Variants in MTX2 observed in about 807,000 individuals in gnomAD.
MTX2 encodes metaxin 2.
In MTX2, 35 loss-of-function variants were observed where a neutral mutation model predicts 42.3. That is an observed-to-expected ratio of 0.83 (90% CI 0.63 to 1.10). The LOEUF (loss-of-function observed/expected upper bound fraction) is 1.10. MTX2 is among the 50% of genes least tolerant of loss of function. The pLI is 0.00. For synonymous variants in MTX2, 119 were observed against 100.9 expected, an observed-to-expected ratio of 1.18 and a Z score of -1.08; for missense variants, 307 against 304.1, an observed-to-expected ratio of 1.01 and a Z score of -0.07.
intron 1 of MTX2, among the ~76,000 whole-genome samples, chr2:176,279,862 ATATT>A (rs1173056848): frequency 1.3e-5 from 2 of 152,300 alleles, no homozygotes; most frequent in East Asian, 3.9e-4. Flanking sequence ...ATTAAAATAA[ATATT>A]TAGAAACGGT....
intron 1 of MTX2, among the ~76,000 whole-genome samples, chr2:176,277,978 A>T (rs1444469780): frequency 1.3e-5 from 2 of 149,476 alleles, no homozygotes; most frequent in African/African-American, 2.5e-5. Context: ...GGCAAGATAT[A>T]GTTTATTGAC....
chr2:176,320,165 T>C (rs1177926217), intron 3 of MTX2, among the ~76,000 whole-genome samples: 2 of 151,988 alleles, frequency 1.3e-5, no homozygotes, highest in Non-Finnish European at 2.9e-5. Flanking sequence ...CTAAGAAGCA[T>C]GGGTTTTGGG....
intron 1 of MTX2, among the ~76,000 whole-genome samples, chr2:176,293,010 T>G (rs1039396933): frequency 2.0e-5 from 3 of 152,198 alleles, no homozygotes; most frequent in Admixed American, 6.5e-5. Flanking sequence ...CTATGTGTAG[T>G]TCATTATTTA....
At chr2:176,300,265 C>T (rs906189787) in intron 3 of MTX2, among the ~76,000 whole-genome samples, 8 of 152,132 alleles carry the variant, frequency 5.3e-5, no homozygotes, top group African/African-American at 1.9e-4. Flanking sequence ...CCCCCAAATC[C>T]AAACCAGCCA....
In MTX2 at chr2:176,269,567, TGCGGTGGAGGAC is replaced by T; in HGVS notation, c.-60_-49del. ...GTTAACTGCCGAGAGCCTCCGGGTT[TGCGGTGGAGGAC>T]GCTGAGGCCCGTGGGGGGCAGGCAC... On this transcript the variant is annotated 5_prime_UTR_variant, in exon 1 of 10. Transcript: ENST00000249442. 1 of 1,520,048 alleles carries T rather than the reference TGCGGTGGAGGAC, an allele frequency of 6.6e-7. No individual in the cohort carries two copies. The highest frequency in any genetic ancestry group is 2.0e-5 in the Admixed American group (1 of 49,104). 94.2% of individuals were successfully genotyped at this position (1,520,048 alleles called of 1,614,324 possible).
At chr2:176,305,450 T>TTTCTTGTACTTTCTGTACTTTCTGTA (rs1290674892) in intron 3 of MTX2, among the ~76,000 whole-genome samples, 2 of 152,122 alleles carry the variant, frequency 1.3e-5, no homozygotes, top group African/African-American at 4.8e-5. Context: ...CAAGAATTGT[T>TTTCTTGTACTTTCTGTACTTTCTGTA]CTTTCTGTAC....
chr2:176,332,505 A>G (rs1330697944), intron 9 of MTX2, among the ~76,000 whole-genome samples: 1 of 151,384 alleles, frequency 6.6e-6, no homozygotes, highest in Non-Finnish European at 1.5e-5. Context: ...CCCTACAATT[A>G]GAATTAATCC....
intron 4 of MTX2, among the ~76,000 whole-genome samples, chr2:176,325,263 C>T (rs532830020): frequency 4.7e-4 from 72 of 151,712 alleles, no homozygotes; most frequent in African/African-American, 1.6e-3. Flanking sequence ...AAACAAAGCC[C>T]TCAGTTTTCT....
At chr2:176,324,590 A>T (rs928489507) in intron 4 of MTX2, among the ~76,000 whole-genome samples, 2 of 151,660 alleles carry the variant, frequency 1.3e-5, no homozygotes, top group Non-Finnish European at 3.0e-5. Context: ...TCATACAAAC[A>T]GTTTGTATAT....
At position 176,330,673 on chromosome 2, in the gene MTX2, A is replaced by C; in HGVS notation, c.620+13A>C. ...TCTTCAATAAGCAGTAAGAAATTTT[A>C]CTTTTTTAAAGTTAATTTTCTGTAC... On this transcript the variant is annotated intron_variant, in intron 9 of 9. Transcript: ENST00000249442. 5.1e-6 allele frequency: 8 copies of C among 1,581,846 alleles called. No homozygotes were observed. Among genetic ancestry groups the C allele is most frequent in the Non-Finnish European group, 6.9e-6 (8 of 1,159,588 alleles).
Position 176,269,609 on chromosome 2 carries a change from G to A in MTX2, c.-21G>A, listed in dbSNP as rs150206716. 22,981 of 1,576,824 alleles carry A rather than the reference G, an allele frequency of 0.015. 436 individuals carry two copies. The highest frequency in any genetic ancestry group is 0.073 in the South Asian group (6,296 of 86,470). ...AGGCCCGTGGGGGGCAGGCACCCGG[G>A]CGCCGGGCCTCCCAGCCGACATGTC... On this transcript the variant is annotated 5_prime_UTR_variant, in exon 1 of 10. Coordinates refer to ENST00000249442, the MANE Select transcript of MTX2 (RefSeq NM_006554.5).
intron 3 of MTX2, among the ~76,000 whole-genome samples, chr2:176,299,244 C>T (rs1383764988): frequency 6.6e-6 from 1 of 151,982 alleles, no homozygotes; most frequent in Non-Finnish European, 1.5e-5. Context: ...AGAGTGGTCC[C>T]TGCACAACAA....
chr2:176,329,099 C>T (rs1684791698), intron 7 of MTX2, among the ~76,000 whole-genome samples, 187 bp downstream of exon 7: 1 of 151,118 alleles, frequency 6.6e-6, no homozygotes, highest in South Asian at 2.1e-4. Flanking sequence ...TTTGATATAA[C>T]GGGTTGCAAA....
intron 3 of MTX2, among the ~76,000 whole-genome samples, chr2:176,311,192 C>T (rs947862266): frequency 6.6e-6 from 1 of 152,156 alleles, no homozygotes; most frequent in Non-Finnish European, 1.5e-5. Context: ...GCTGGAGGTC[C>T]ACTCCAGACC....
In MTX2 at chr2:176,269,664, T is replaced by C. The variant is rs745769736; in HGVS notation, c.35T>C (p.Ile12Thr). Residue 12 changes from isoleucine (I) to threonine (T), a missense_variant, in exon 1 of 10, where the codon ATT becomes ACT. Ile to Thr is a moderately conservative substitution (Grantham distance 89). Coordinates refer to ENST00000249442, the MANE Select transcript of MTX2 (RefSeq NM_006554.5). ...GTGGCGGAAGCCTTCGTCTCCCAGA[T>C]TGCAGGTAGCGCGGCTGGCCGCAGA... ...SLVAEAFVSQIAAAEPWPENA... is the reference protein window; with the variant it reads ...SLVAEAFVSQTAAAEPWPENA... The C allele has an allele frequency of 7.7e-5, 123 of 1,596,864 alleles. No homozygotes were observed. The highest frequency in any genetic ancestry group is 1.0e-4 in the Non-Finnish European group (123 of 1,174,582).
chr2:176,321,228 T>A (rs1489785285), intron 3 of MTX2, among the ~76,000 whole-genome samples: 1 of 152,170 alleles, frequency 6.6e-6, no homozygotes, highest in Non-Finnish European at 1.5e-5. Flanking sequence ...TTGACATGAT[T>A]TTGATGCATG....
chr2:176,306,786 C>T (rs1684159730), intron 3 of MTX2, among the ~76,000 whole-genome samples: 1 of 151,692 alleles, frequency 6.6e-6, no homozygotes, highest in Admixed American at 6.6e-5. Flanking sequence ...TTTTTGAGTT[C>T]TTTGTAGATT....
At chr2:176,334,239 A>G (rs1684935086) in intron 9 of MTX2, among the ~76,000 whole-genome samples, 1 of 151,888 alleles carries the variant, frequency 6.6e-6, no homozygotes, top group Non-Finnish European at 1.5e-5. Flanking sequence ...TTATTAATAA[A>G]GGGTGCCCAT....
At chr2:176,302,044 G>A (rs1376772325) in intron 3 of MTX2, among the ~76,000 whole-genome samples, 2 of 151,470 alleles carry the variant, frequency 1.3e-5, no homozygotes, top group East Asian at 3.9e-4. Flanking sequence ...CAATGTGCTA[G>A]CCGTTGCACA....
Sources: gnomAD v4.1 joint callset for allele counts (sites outside exome capture counted in the v4.1 genomes callset) on GRCh38, gnomAD v4.1.1 for gene constraint, MANE v1.5 for transcripts, NCBI Gene and HGNC (gene_info 2026-07-23, HGNC 2026-07-21) for gene names.